WDR5: variants seen among roughly 807,000 people sequenced by gnomAD.
WDR5 encodes WD repeat domain 5.
For missense variants in WDR5, 187 were observed against 416.9 expected (o/e 0.45, Z 4.80); for synonymous variants, 144 against 161.6 (o/e 0.89, Z 0.83).
chr9:134,141,476 G>A (rs760497638), intron 3 of WDR5, 34 bp from the exon 4 acceptor site: 2 of 1,608,548 alleles, frequency 1.2e-6, no homozygotes, highest in East Asian at 2.2e-5. Flanking sequence ...ATTGTGTCCT[G>A]CTCTTAGCCT....
upstream of WDR5, chr9:134,135,347 G>C (rs28580780): frequency 0.67 from 101,241 of 152,134 alleles, 33,865 homozygotes; most frequent in African/African-American, 0.7. Context: ...GGCTGGCCCC[G>C]GGAGAGCCCG....
At chr9:134,142,209 G>A in intron 5 of WDR5, 124 bp from the exon 6 acceptor site, 1 of 1,212,686 alleles carries the variant, frequency 8.2e-7, no homozygotes, top group Admixed American at 2.0e-5. Context: ...TTGACTTCGG[G>A]GAACAGCAAG....
Position 134,145,096 on chromosome 9 carries a change from GTTTTTT to G in WDR5, c.528+2392_528+2397del, listed in dbSNP as rs56864188. Reference sequence around the variant, plus strand: ...ACTGCAGAGAGGTTTGTGGGGCTTTGTTTTTTTTTTTTTTTTTTTTGAAACAGAATC... The same window carrying G: ...ACTGCAGAGAGGTTTGTGGGGCTTTGTTTTTTTTTTTTTTGAAACAGAATC... On this transcript the variant is annotated intron_variant, in intron 7 of 13. Transcript: ENST00000358625. 5.6e-4 allele frequency among the ~76,000 whole-genome samples: 59 copies of G among 104,718 alleles called. 1 individual carries two copies. The highest frequency in any genetic ancestry group is 8.0e-4 in the Admixed American group (6 of 7,472). The allele number at this position is 104,718 out of a possible 152,430, so 68.7% of individuals were successfully genotyped here.
At chr9:134,155,841 T>G (rs1832720287) in intron 12 of WDR5, 74 bp downstream of exon 12, 1 of 1,401,206 alleles carries the variant, frequency 7.1e-7, no homozygotes, top group African/African-American at 1.4e-5. Context: ...TGTTACAGGT[T>G]GCTTTATACT....
chr9:134,143,221 AT>A (rs1831988752), intron 7 of WDR5, among the ~76,000 whole-genome samples: 1 of 152,144 alleles, frequency 6.6e-6, no homozygotes, highest in Non-Finnish European at 1.5e-5. Context: ...ACGTCCTGCC[AT>A]TTTGCTGTTG....
At chr9:134,152,266 C>T (rs1165525860) in intron 9 of WDR5, among the ~76,000 whole-genome samples, 1 of 152,242 alleles carries the variant, frequency 6.6e-6, no homozygotes, top group Non-Finnish European at 1.5e-5. Context: ...GCCTGGGGCT[C>T]CTCCACCTGT....
In WDR5 at chr9:134,140,715, A is replaced by C; in HGVS notation, c.94A>C (p.Lys32Gln). ...SATQSKPTPV[K>Q]PNYALKFTLA... ...GTCTTTCCTGCAGCCTACACCTGTG[A>C]AGCCAAACTATGCTCTAAAGTTCAC... Residue 32 changes from lysine (K) to glutamine (Q), a missense_variant, in exon 3 of 14, where the codon AAG becomes CAG. Coordinates refer to ENST00000358625, the MANE Select transcript of WDR5 (RefSeq NM_017588.3). 1 of 1,614,178 alleles carries C rather than the reference A, an allele frequency of 6.2e-7. No homozygotes were observed. Among genetic ancestry groups the C allele is most frequent in the South Asian group, 1.1e-5 (1 of 91,080 alleles).
At chr9:134,156,191 T>C (rs1322969902) in intron 12 of WDR5, among the ~76,000 whole-genome samples, 3 of 152,218 alleles carry the variant, frequency 2.0e-5, no homozygotes, top group African/African-American at 7.2e-5. Flanking sequence ...GGGCAACATG[T>C]GTGTGACACA....
intron 8 of WDR5, among the ~76,000 whole-genome samples, chr9:134,151,514 C>T (rs1832485417): frequency 1.3e-5 from 2 of 152,200 alleles, no homozygotes; most frequent in Admixed American, 1.3e-4. Flanking sequence ...AATGTAAATG[C>T]CTGGCTTGTA....
intron 7 of WDR5, among the ~76,000 whole-genome samples, chr9:134,146,493 C>G (rs1832209282): frequency 6.6e-6 from 1 of 152,218 alleles, no homozygotes; most frequent in African/African-American, 2.4e-5. Flanking sequence ...ACCTTGATTT[C>G]CTAAAATGCT....
intron 1 of WDR5, among the ~76,000 whole-genome samples, chr9:134,136,612 A>G (rs1831573379): frequency 6.6e-6 from 1 of 151,972 alleles, no homozygotes; most frequent in African/African-American, 2.4e-5. Context: ...CTCCTCGTAG[A>G]AACGCCCCCA....
At chr9:134,140,015 T>G (rs1831797708) in intron 2 of WDR5, 57 bp downstream of exon 2, 3 of 1,586,346 alleles carry the variant, frequency 1.9e-6, no homozygotes, top group South Asian at 2.2e-5. Flanking sequence ...TTAGAGAGTC[T>G]CGGAAACATC....
At chr9:134,155,436 G>A in intron 11 of WDR5, 63 bp downstream of exon 11, 1 of 1,540,730 alleles carries the variant, frequency 6.5e-7, no homozygotes, top group Non-Finnish European at 8.7e-7. Context: ...CTCTGGTGGG[G>A]ACAGAGCTGG....
intron 1 of WDR5, among the ~76,000 whole-genome samples, chr9:134,137,978 G>A (rs761678035): frequency 1.1e-4 from 16 of 152,150 alleles, no homozygotes; most frequent in Non-Finnish European, 2.1e-4. Flanking sequence ...TCCTGACCTC[G>A]TGATCTGCCC....
At chr9:134,138,203 C>T (rs975834100) in intron 1 of WDR5, among the ~76,000 whole-genome samples, 2 of 152,174 alleles carry the variant, frequency 1.3e-5, no homozygotes, top group African/African-American at 4.8e-5. Context: ...GAGGGTGTTT[C>T]CAGGCGTCTA....
intron 7 of WDR5, among the ~76,000 whole-genome samples, chr9:134,146,345 C>G (rs1832200928): frequency 6.6e-6 from 1 of 152,084 alleles, no homozygotes; most frequent in Non-Finnish European, 1.5e-5. Flanking sequence ...AGTGATTCTC[C>G]TGCCTCAGCC....
At chr9:134,156,089 G>T (rs569531264) in intron 12 of WDR5, among the ~76,000 whole-genome samples, 1 of 152,254 alleles carries the variant, frequency 6.6e-6, no homozygotes, top group Non-Finnish European at 1.5e-5. Flanking sequence ...TGGCTCCGGG[G>T]CTGTCGTCCA....
rs1832017306 is a variant in WDR5 at position 134,143,655 on chromosome 9, G to A, written c.528+936G>A. Among the ~76,000 whole-genome samples the A allele has an allele frequency of 2.0e-5, 3 of 151,862 alleles. No individual in the cohort carries two copies. In the South Asian group the frequency reaches 6.2e-4, roughly 31 times the overall value. On this transcript the variant is annotated intron_variant, in intron 7 of 13. Transcript: ENST00000358625. Reference sequence around the variant, plus strand: ...CATTCTCCTGCCTCAGCCTCTCCGAGTAGTTGAGACTACAGGCGCCCACCA... The same window carrying A: ...CATTCTCCTGCCTCAGCCTCTCCGAATAGTTGAGACTACAGGCGCCCACCA...
intron 11 of WDR5, 117 bp from the exon 12 acceptor site, chr9:134,155,576 C>G (rs144858792): frequency 4.6e-6 from 6 of 1,300,186 alleles, no homozygotes; most frequent in Non-Finnish European, 6.5e-6. Flanking sequence ...GGGTTTGGTA[C>G]TTGTACTTTT....
Sources: gnomAD v4.1 joint callset for allele counts (sites outside exome capture counted in the v4.1 genomes callset) on GRCh38, gnomAD v4.1.1 for gene constraint, MANE v1.5 for transcripts, NCBI Gene and HGNC (gene_info 2026-07-23, HGNC 2026-07-21) for gene names.